Variants in PGBD2 observed in about 807,000 individuals in gnomAD.
PGBD2 encodes the protein piggyBac transposable element derived 2, also known as piggyBac transposable element-derived protein 2.
PGBD2 carries 6 observed loss-of-function variants against 8.1 expected under a neutral mutation model. The ratio of observed to expected loss-of-function variants is 0.74; its 90% CI spans 0.40 to 1.46. PGBD2 has a LOEUF of 1.46. Among genes scored for constraint, PGBD2 ranks in the 40% most tolerant of loss-of-function variants. The pLI is 0.02. For synonymous variants in PGBD2, 318 were observed against 272.2 expected (o/e 1.17, Z -1.66); for missense variants, 802 against 739.0 (o/e 1.09, Z -0.99).
the PGBD2 span, among the ~76,000 whole-genome samples, chr1:248,893,285 T>C: frequency 3.3e-5 from 5 of 152,346 alleles, no homozygotes; most frequent in East Asian, 7.7e-4. Flanking sequence ...CAAAACCTTA[T>C]TGTTAACTTA....
chr1:248,890,868 GCCC>G, the PGBD2 span, among the ~76,000 whole-genome samples: 126 of 140,674 alleles, frequency 9.0e-4, 1 homozygote, highest in African/African-American at 2.0e-3. Flanking sequence ...CACATCCACA[GCCC>G]CCCATCACAC....
the PGBD2 span, among the ~76,000 whole-genome samples, chr1:248,874,299 G>A: frequency 2.0e-5 from 3 of 152,048 alleles, no homozygotes; most frequent in East Asian, 3.9e-4. Context: ...CGCGGCCCGG[G>A]TTCGATTCCC....
At chr1:248,895,597 G>A in the PGBD2 span, among the ~76,000 whole-genome samples, 2 of 151,976 alleles carry the variant, frequency 1.3e-5, no homozygotes, top group Non-Finnish European at 2.9e-5. Flanking sequence ...TCTTGGTTAC[G>A]TGGATAAGTT....
intron 1 of PGBD2, among the ~76,000 whole-genome samples, chr1:248,912,497 G>A (rs945344245): frequency 6.6e-6 from 1 of 152,168 alleles, no homozygotes; most frequent in Non-Finnish European, 1.5e-5. Flanking sequence ...GAAATGCATT[G>A]ACATCGGTAA....
the PGBD2 span, among the ~76,000 whole-genome samples, chr1:248,928,378 C>T: frequency 1.3e-5 from 2 of 152,166 alleles, no homozygotes; most frequent in African/African-American, 4.8e-5. Flanking sequence ...CTTCAACTTC[C>T]CCTCTCCCAT....
the PGBD2 span, among the ~76,000 whole-genome samples, chr1:248,874,489 C>G: frequency 1.6e-3 from 244 of 152,302 alleles, 2 homozygotes; most frequent in African/African-American, 5.2e-3. Flanking sequence ...TATATGTAGT[C>G]AGTGTCTTTA....
At chr1:248,893,721 G>T in the PGBD2 span, among the ~76,000 whole-genome samples, 1 of 152,106 alleles carries the variant, frequency 6.6e-6, no homozygotes. Flanking sequence ...ACCTCTTCAA[G>T]ATTCTAATGT....
the PGBD2 span, among the ~76,000 whole-genome samples, chr1:248,926,482 C>T: frequency 2.6e-5 from 4 of 152,174 alleles, no homozygotes; most frequent in African/African-American, 9.7e-5. Flanking sequence ...AGCAGCTTCT[C>T]GTCTACGTCC....
chr1:248,911,124 T>C (rs142368580), intron 1 of PGBD2, among the ~76,000 whole-genome samples: 4,913 of 152,136 alleles, frequency 0.032, 225 homozygotes, highest in South Asian at 0.1. Context: ...CTTTTCTTTT[T>C]TTTTTAGTAT....
Position 248,917,627 on chromosome 1 carries a change from T to A in PGBD2, c.1043T>A (p.Ile348Lys). The A allele has an allele frequency of 6.2e-7, 1 of 1,614,220 alleles. No homozygotes were observed. Among genetic ancestry groups the A allele is most frequent in the South Asian group, 1.1e-5 (1 of 91,084 alleles). The part of the protein sequence containing the change: ...LQERGFLPYH[I>K]FFDKVFTSVK... ...GAGCGTGGTTTTCTGCCATATCACA[T>A]ATTTTTTGACAAGGTTTTCACAAGT... Residue 348 changes from isoleucine to lysine, a missense_variant, in exon 3 of 3, where the codon ATA becomes AAA. Ile to Lys is a moderately radical substitution (Grantham distance 102). Transcript: ENST00000329291.
At chr1:248,905,458 G>A (rs955075446), upstream of PGBD2, among the ~76,000 whole-genome samples, 5 of 151,702 alleles carry the variant, frequency 3.3e-5, no homozygotes, top group African/African-American at 1.2e-4. Flanking sequence ...GAAGTAGGGG[G>A]AGATACTTTT....
At chr1:248,894,963 T>C in the PGBD2 span, among the ~76,000 whole-genome samples, 1 of 152,050 alleles carries the variant, frequency 6.6e-6, no homozygotes, top group East Asian at 1.9e-4. Flanking sequence ...CATCTGGCTA[T>C]TTTGTTGTTG....
intron 2 of PGBD2, among the ~76,000 whole-genome samples, chr1:248,914,227 AGTT>A (rs1319261416): frequency 8.5e-5 from 13 of 152,120 alleles, no homozygotes; most frequent in Admixed American, 8.5e-4. Flanking sequence ...CATGTGCAGA[AGTT>A]GTTTGAGAGT....
intron 1 of PGBD2, among the ~76,000 whole-genome samples, chr1:248,908,723 A>G (rs1428272089): frequency 6.6e-6 from 1 of 150,722 alleles, no homozygotes; most frequent in Non-Finnish European, 1.5e-5. Context: ...TCTTATAAAG[A>G]CAGGCCTCCT....
chr1:248,893,360 A>C, the PGBD2 span, among the ~76,000 whole-genome samples: 326 of 152,312 alleles, frequency 2.1e-3, 1 homozygote, highest in African/African-American at 7.0e-3. Flanking sequence ...ATATCCATTG[A>C]ATAACAACTC....
the PGBD2 span, among the ~76,000 whole-genome samples, chr1:248,878,401 A>T: frequency 6.6e-6 from 1 of 152,046 alleles, no homozygotes; most frequent in Non-Finnish European, 1.5e-5. Flanking sequence ...CTGGTCTCGA[A>T]TTCCTGACCT....
rs894165665 is a variant in PGBD2 at position 248,917,054 on chromosome 1, T to C, written c.470T>C (p.Ile157Thr). Residue 157 changes from isoleucine to threonine, a missense_variant, in exon 3 of 3, where the codon ATT becomes ACT. Transcript: ENST00000329291. ...LFFDEGTINF[I>T]VNETNRYAWQ... ...TTTGATGAAGGAACAATTAATTTCATTGTTAATGAAACCAATCGTTATGCT... is the reference window on the plus strand; with the variant it reads ...TTTGATGAAGGAACAATTAATTTCACTGTTAATGAAACCAATCGTTATGCT... The C allele has an allele frequency of 1.9e-6, 3 of 1,613,752 alleles. No individual in the cohort carries two copies. Among genetic ancestry groups the C allele is most frequent in the Non-Finnish European group, 2.5e-6 (3 of 1,179,986 alleles).
intron 1 of PGBD2, among the ~76,000 whole-genome samples, chr1:248,911,710 C>T (rs1177363940): frequency 3.4e-5 from 5 of 145,372 alleles, no homozygotes; most frequent in East Asian, 1.9e-4. Flanking sequence ...CAGAGGCGCC[C>T]CTCACCTCCC....
the PGBD2 span, among the ~76,000 whole-genome samples, chr1:248,893,755 C>G: frequency 6.6e-6 from 1 of 152,174 alleles, no homozygotes; most frequent in African/African-American, 2.4e-5. Context: ...TACATACCCA[C>G]AAGTGTTATT....
Sources: gnomAD v4.1 joint callset for allele counts (sites outside exome capture counted in the v4.1 genomes callset) on GRCh38, gnomAD v4.1.1 for gene constraint, MANE v1.5 for transcripts, NCBI Gene and HGNC (gene_info 2026-07-23, HGNC 2026-07-21) for gene names.